The following PCDHA4 variants were observed in gnomAD, a reference collection of about 807,000 sequenced individuals.
The protein encoded by PCDHA4 is protocadherin alpha-4.
Under a neutral mutation model 61.4 loss-of-function variants are expected in PCDHA4, and 49 were observed. That is an observed-to-expected ratio of 0.80 (90% CI 0.63 to 1.01). The LOEUF (loss-of-function observed/expected upper bound fraction) is 1.01. PCDHA4 is among the 50% of genes least tolerant of loss of function. PCDHA4 has a pLI of 0.00. For missense variants in PCDHA4, 1,254 were observed against 1,235.8 expected, an observed-to-expected ratio of 1.01 and a Z score of -0.22; for synonymous variants, 590 against 550.3, an observed-to-expected ratio of 1.07 and a Z score of -1.01.
rs576672695 is a variant in PCDHA4, at chr5:140,976,134, A to G, written c.2386-2815A>G. On this transcript the variant is annotated intron_variant, in intron 1 of 3. Transcript: ENST00000530339. ...TTTTCCAAGTTTAATCAAGTTCTGG[A>G]TGAAACTCATGTACATTTTACTACT... Among the ~76,000 whole-genome samples the G allele has an allele frequency of 2.0e-5, 3 of 152,348 alleles. No homozygotes were observed. In the East Asian group the frequency reaches 5.8e-4, roughly 29 times the overall value.
In PCDHA4 at chr5:141,000,611, A is replaced by T. The variant is rs185617081; in HGVS notation, c.2534-9016A>T. Among the ~76,000 whole-genome samples the T allele has an allele frequency of 4.7e-3, 713 of 150,994 alleles. 3 individuals carry two copies. Among genetic ancestry groups the T allele is most frequent in the Non-Finnish European group, 7.5e-3 (505 of 67,758 alleles). ...CCCAGCTAATTTTTGTATTTTTAGT[A>T]GAGACAGGGTTTCACCATGTTGGGC... On this transcript the variant is annotated intron_variant, in intron 3 of 3. Transcript: ENST00000530339.
At chr5:140,856,168 C>G in intron 1 of PCDHA4, 1 of 1,598,314 alleles carries the variant, frequency 6.3e-7, no homozygotes, top group Non-Finnish European at 8.6e-7. Context: ...AGGCCAGACA[C>G]GGCACCTTCG....
chr5:140,809,123 C>G lies in PCDHA4; in HGVS notation c.1936C>G (p.Arg646Gly). 6.2e-7 allele frequency: 1 copy of G among 1,613,998 alleles called. No individual in the cohort carries two copies. The highest frequency in any genetic ancestry group is 8.5e-7 in the Non-Finnish European group (1 of 1,179,944). Residue 646 changes from arginine to glycine, a missense_variant, in exon 1 of 4, where the codon CGC (arginine) becomes GGC (glycine). Coordinates refer to ENST00000530339, the MANE Select transcript of PCDHA4 (RefSeq NM_018907.4). Reference protein sequence around the residue: ...ALDETDAPRHRLLVLVKDHGE... With the variant: ...ALDETDAPRHGLLVLVKDHGE... ...GGACGAAACGGACGCTCCGCGCCAC[C>G]GCCTACTGGTACTGGTGAAGGACCA...
intron 1 of PCDHA4, among the ~76,000 whole-genome samples, chr5:140,894,455 T>C (rs1316862860): frequency 6.6e-6 from 1 of 152,000 alleles, no homozygotes; most frequent in Non-Finnish European, 1.5e-5. Flanking sequence ...TTAAAAAATA[T>C]TTTACTTTTT....
intron 1 of PCDHA4, among the ~76,000 whole-genome samples, chr5:140,832,783 G>T (rs1772149172): frequency 6.6e-6 from 1 of 152,148 alleles, no homozygotes; most frequent in Non-Finnish European, 1.5e-5. Flanking sequence ...GTGCTAGAAA[G>T]GTACATCATA....
chr5:140,857,702 G>T (rs2044803207), intron 1 of PCDHA4: 1 of 1,597,298 alleles, frequency 6.3e-7, no homozygotes, highest in African/African-American at 1.3e-5. Flanking sequence ...GACGCTGCAG[G>T]TGTTCGTGCT....
At chr5:140,875,953 G>T (rs782793293) in intron 1 of PCDHA4, 1 of 1,614,066 alleles carries the variant, frequency 6.2e-7, no homozygotes, top group African/African-American at 1.3e-5. Context: ...TTCTGATGCG[G>T]ATATCGGCGT....
chr5:140,875,411 T>C, intron 1 of PCDHA4: 1 of 1,503,674 alleles, frequency 6.7e-7, no homozygotes, highest in Non-Finnish European at 8.9e-7. Context: ...GCTCATAAAA[T>C]ACCTCAGGCA....
At chr5:140,967,845 A>T in intron 1 of PCDHA4, 1 of 1,614,160 alleles carries the variant, frequency 6.2e-7, no homozygotes, top group Non-Finnish European at 8.5e-7. Context: ...GACGTGAATG[A>T]CAATGCCCCA....
At chr5:140,836,780 T>G in intron 1 of PCDHA4, 1 of 1,484,830 alleles carries the variant, frequency 6.7e-7, no homozygotes, top group East Asian at 2.3e-5. Flanking sequence ...TTTAAAACAA[T>G]TAGTTCAATT....
intron 1 of PCDHA4, chr5:140,834,376 A>G (rs2150216105): frequency 6.4e-7 from 1 of 1,561,296 alleles, no homozygotes; most frequent in East Asian, 2.3e-5. Flanking sequence ...ACAAGCCAAT[A>G]ATTTGAAATG....
chr5:140,841,716 T>G lies in PCDHA4; in HGVS notation c.2385+32144T>G, dbSNP rs1554138489. The G allele has an allele frequency of 6.2e-7, 1 of 1,613,904 alleles. No homozygotes were observed. Among genetic ancestry groups the G allele is most frequent in the Admixed American group, 1.7e-5 (1 of 59,998 alleles). ...AAGGATGTTAATGACAACCCGCCAG[T>G]GTTCCGGGTAAAAGACCAAAAGCTG... On this transcript the variant is annotated intron_variant, in intron 1 of 3. Transcript: ENST00000530339.
intron 1 of PCDHA4, among the ~76,000 whole-genome samples, chr5:140,972,533 T>C (rs2096540643): frequency 6.6e-6 from 1 of 152,134 alleles, no homozygotes; most frequent in African/African-American, 2.4e-5. Flanking sequence ...ATTTCATAAA[T>C]CACTTGTGCA....
chr5:140,909,970 G>A (rs76359002), intron 1 of PCDHA4, among the ~76,000 whole-genome samples: 2,125 of 152,312 alleles, frequency 0.014, 45 homozygotes, highest in African/African-American at 0.049. Flanking sequence ...CATGGGGAAG[G>A]ATGGGAGAAA....
chr5:140,913,756 A>G (rs1184722554), intron 1 of PCDHA4, among the ~76,000 whole-genome samples: 1 of 152,072 alleles, frequency 6.6e-6, no homozygotes, highest in African/African-American at 2.4e-5. Context: ...GTTGTATCTC[A>G]TAGGTTTTGG....
chr5:140,824,847 A>T (rs1768370968), intron 1 of PCDHA4: 1 of 152,042 alleles, frequency 6.6e-6, no homozygotes, highest in African/African-American at 2.4e-5. Flanking sequence ...ACACTAATTT[A>T]GTTTGTTTTC....
intron 1 of PCDHA4, among the ~76,000 whole-genome samples, chr5:140,961,545 C>A (rs1486984950): frequency 6.6e-6 from 1 of 152,146 alleles, no homozygotes; most frequent in Non-Finnish European, 1.5e-5. Flanking sequence ...GTTCCTGCAG[C>A]ATTTCTTTTT....
At chr5:140,846,601 C>T (rs1554141391) in intron 1 of PCDHA4, among the ~76,000 whole-genome samples, 1 of 148,800 alleles carries the variant, frequency 6.7e-6, no homozygotes, top group Non-Finnish European at 1.5e-5. Flanking sequence ...GTCTCGATCT[C>T]CTGACCTCCT....
rs1554124003 is a variant in PCDHA4 at position 140,807,414 on chromosome 5, A to T, written c.227A>T (p.Glu76Val). ...TCCAAGGGCCGCGGAGGCCTTCTGG[A>T]GGTAAATCTGCAGAATGGCATTTTG... ...VASKGRGGLL[E>V]VNLQNGILFV... Residue 76 changes from glutamate to valine, a missense_variant, in exon 1 of 4, where the codon GAG becomes GTG. Transcript: ENST00000530339. The T allele has an allele frequency of 6.3e-7, 1 of 1,585,622 alleles. No individual in the cohort carries two copies. The highest frequency in any genetic ancestry group is 1.7e-5 in the Admixed American group (1 of 57,502).
Sources: allele counts gnomAD v4.1 joint callset (sites outside exome capture counted in the v4.1 genomes callset), GRCh38; gene constraint gnomAD v4.1.1; transcripts MANE v1.5; gene names NCBI Gene and HGNC (gene_info 2026-07-23, HGNC 2026-07-21).